The following SPAG16 variants were observed in gnomAD, a reference collection of about 807,000 sequenced individuals.
The protein encoded by SPAG16 is sperm-associated antigen 16 protein.
A neutral mutation model predicts 80.4 loss-of-function variants in SPAG16; 86 were observed. The ratio of observed to expected loss-of-function variants is 1.07; its 90% CI spans 0.90 to 1.28. The LOEUF is 1.28. SPAG16 is among the 50% of genes most tolerant of loss of function. SPAG16 has a pLI of 0.00. For synonymous variants in SPAG16, 294 were observed against 265.9 expected (o/e 1.11, Z -1.03); for missense variants, 870 against 765.3 (o/e 1.14, Z -1.61).
intron 15 of SPAG16, among the ~76,000 whole-genome samples, chr2:214,259,265 G>GTTGT (rs1690942954): frequency 6.6e-6 from 1 of 151,660 alleles, no homozygotes; most frequent in African/African-American, 2.4e-5. Flanking sequence ...TATCAGTTCA[G>GTTGT]TTGTTTTAAC....
Position 213,567,291 on chromosome 2 carries a change from T to C in SPAG16, c.1070+77201T>C, listed in dbSNP as rs1469811939. On this transcript the variant is annotated intron_variant, in intron 10 of 15. Coordinates refer to ENST00000331683, the MANE Select transcript of SPAG16 (RefSeq NM_024532.5). ...TACATGTGCACATTGTGCAGGTTAG[T>C]TACATATGTATACATGTGCCATGCT... Among the ~76,000 whole-genome samples, 8 of 143,898 alleles carry C rather than the reference T, an allele frequency of 5.6e-5. No individual in the cohort carries two copies. In the East Asian group the frequency reaches 1.6e-3, roughly 29 times the overall value. 94.4% of individuals were successfully genotyped at this position (143,898 alleles called of 152,430 possible).
chr2:214,126,909 T>C (rs1366081008), intron 14 of SPAG16, among the ~76,000 whole-genome samples: 2 of 151,896 alleles, frequency 1.3e-5, no homozygotes, highest in African/African-American at 4.8e-5. Context: ...CCCAAGTACT[T>C]AAGAAATGAT....
chr2:213,483,475 C>G (rs1045506070), intron 9 of SPAG16, among the ~76,000 whole-genome samples: 6 of 152,152 alleles, frequency 3.9e-5, no homozygotes, highest in African/African-American at 1.4e-4. Flanking sequence ...TTAATGCTTA[C>G]AGATAGGCTT....
At chr2:214,349,870 A>G (rs77780727) in intron 15 of SPAG16, among the ~76,000 whole-genome samples, 4,190 of 152,252 alleles carry the variant, frequency 0.028, 207 homozygotes, top group African/African-American at 0.093. Context: ...GCATTTGTGT[A>G]TCTATCTTTA....
chr2:214,355,873 GGGACAT>G (rs1383142587), intron 15 of SPAG16, among the ~76,000 whole-genome samples: 6 of 151,028 alleles, frequency 4.0e-5, no homozygotes, highest in Non-Finnish European at 8.8e-5. Context: ...GTCCTTTGTA[GGGACAT>G]GGATGAAATT....
At chr2:214,374,021 A>T (rs1453705233) in intron 15 of SPAG16, among the ~76,000 whole-genome samples, 1 of 152,192 alleles carries the variant, frequency 6.6e-6, no homozygotes, top group African/African-American at 2.4e-5. Context: ...GAAAAATTAG[A>T]ATATAGTAGG....
chr2:213,719,077 C>G (rs1231910204), intron 10 of SPAG16, among the ~76,000 whole-genome samples: 2 of 152,076 alleles, frequency 1.3e-5, no homozygotes, highest in African/African-American at 4.8e-5. Flanking sequence ...TCTAGCTGCT[C>G]TGGTGAGGAC....
chr2:213,751,412 C>T (rs2068071598), intron 10 of SPAG16, among the ~76,000 whole-genome samples: 1 of 152,138 alleles, frequency 6.6e-6, no homozygotes, highest in African/African-American at 2.4e-5. Flanking sequence ...TCTCCCTTCA[C>T]ACGTGTTTTC....
chr2:213,935,046 C>CA (rs1365816826), intron 12 of SPAG16, among the ~76,000 whole-genome samples: 2 of 151,718 alleles, frequency 1.3e-5, no homozygotes, highest in Admixed American at 1.3e-4. Context: ...ACTGAAAATA[C>CA]AAAAAATTAC....
intron 10 of SPAG16, among the ~76,000 whole-genome samples, chr2:213,540,215 A>ATT (rs71060438): frequency 3.1e-4 from 47 of 149,838 alleles, no homozygotes; most frequent in East Asian, 1.2e-3. Context: ...TTATTTTTTT[A>ATT]TTTTTTTTGT....
chr2:213,805,866 C>T (rs1182268322), intron 10 of SPAG16, among the ~76,000 whole-genome samples: 1 of 152,020 alleles, frequency 6.6e-6, no homozygotes, highest in African/African-American at 2.4e-5. Flanking sequence ...GTTATAATGC[C>T]TAAGGCATGG....
intron 10 of SPAG16, among the ~76,000 whole-genome samples, chr2:213,580,409 A>G (rs1044789343): frequency 5.9e-5 from 9 of 152,114 alleles, no homozygotes; most frequent in Admixed American, 4.6e-4. Context: ...GTCTTTTGTT[A>G]TAGGTGCCTC....
At chr2:214,171,167 A>G (rs951272598) in intron 15 of SPAG16, among the ~76,000 whole-genome samples, 36 of 152,058 alleles carry the variant, frequency 2.4e-4, no homozygotes, top group African/African-American at 8.4e-4. Context: ...ACTTTCAGGA[A>G]AGGAGATAAT....
At chr2:214,000,599 C>T (rs13422043) in intron 12 of SPAG16, among the ~76,000 whole-genome samples, 39,417 of 152,104 alleles carry the variant, frequency 0.26, 5,967 homozygotes, top group South Asian at 0.57. Flanking sequence ...CATATAAGGC[C>T]AGAGTCCTCA....
chr2:213,411,266 TG>T (rs1559105824), intron 9 of SPAG16, among the ~76,000 whole-genome samples: 3 of 152,194 alleles, frequency 2.0e-5, no homozygotes, highest in Admixed American at 6.5e-5. Flanking sequence ...TAAACGCAAC[TG>T]GAGTCCCACA....
At chr2:213,388,088 A>G (rs573139742) in intron 9 of SPAG16, among the ~76,000 whole-genome samples, 1 of 152,310 alleles carries the variant, frequency 6.6e-6, no homozygotes, top group East Asian at 1.9e-4. Context: ...AGTTGGGTCA[A>G]TTTCAACTCT....
At chr2:214,225,981 G>A (rs2058689283) in intron 15 of SPAG16, among the ~76,000 whole-genome samples, 1 of 152,116 alleles carries the variant, frequency 6.6e-6, no homozygotes, top group Non-Finnish European at 1.5e-5. Flanking sequence ...CTGAATCAAG[G>A]AGTCTGACTA....
At chr2:213,657,786 G>T (rs142783748) in intron 10 of SPAG16, among the ~76,000 whole-genome samples, 140 of 152,246 alleles carry the variant, frequency 9.2e-4, no homozygotes, top group Middle Eastern at 3.4e-3. Context: ...TATAAAGAGA[G>T]AAAAGATATA....
chr2:213,415,570 T>G (rs2069204730), intron 9 of SPAG16, among the ~76,000 whole-genome samples: 1 of 152,162 alleles, frequency 6.6e-6, no homozygotes, highest in Admixed American at 6.5e-5. Context: ...ACAGATTTGG[T>G]ACTTATGGGG....
Sources: allele counts gnomAD v4.1 joint callset (sites outside exome capture counted in the v4.1 genomes callset), GRCh38; gene constraint gnomAD v4.1.1; transcripts MANE v1.5; gene names NCBI Gene and HGNC (gene_info 2026-07-23, HGNC 2026-07-21).